Variants in BASP1 observed in about 807,000 individuals in gnomAD.
BASP1 encodes brain acid soluble protein 1.
In BASP1, 1 loss-of-function variant was observed where a neutral mutation model predicts 2.2. The ratio of observed to expected loss-of-function variants is 0.46; its 90% CI spans 0.16 to 2.17. BASP1 has a LOEUF of 2.17. Ranked by LOEUF, BASP1 falls within the 30% of genes most tolerant of loss-of-function variation. The pLI, the probability that BASP1 is intolerant of heterozygous loss-of-function variation, is 0.27. For missense variants in BASP1, 352 were observed against 327.2 expected (o/e 1.08, Z -0.58); for synonymous variants, 187 against 154.2 (o/e 1.21, Z -1.58).
chr5:17,218,212 G>T (rs1011243536), intron 1 of BASP1, among the ~76,000 whole-genome samples: 2 of 149,566 alleles, frequency 1.3e-5, no homozygotes, highest in South Asian at 4.3e-4. Flanking sequence ...TTCCGTCATC[G>T]GAGCCCTTAC....
At chr5:17,269,400 AG>A (rs1292554287) in intron 1 of BASP1, among the ~76,000 whole-genome samples, 1 of 152,180 alleles carries the variant, frequency 6.6e-6, no homozygotes, top group African/African-American at 2.4e-5. Flanking sequence ...TGGCAGGTGT[AG>A]GCAAAAAAGG....
intron 1 of BASP1, among the ~76,000 whole-genome samples, chr5:17,267,817 C>CTTTTTTTTTTTTTTTTTTTTTTTTTT (rs748938177): frequency 3.0e-5 from 1 of 33,432 alleles, no homozygotes; most frequent in Non-Finnish European, 4.9e-5. Flanking sequence ...GCTCCCAGCC[C>CTTTTTTTTTTTTTTTTTTTTTTTTTT]TTTTTTTTTT....
chr5:17,227,557 T>A (rs1279298369), intron 1 of BASP1, among the ~76,000 whole-genome samples: 1 of 152,072 alleles, frequency 6.6e-6, no homozygotes. Flanking sequence ...GCCGCCACTA[T>A]GCCCGGCTAA....
rs1168059951 is a variant in BASP1, at chr5:17,241,098, CTT to C, written c.-10+23303_-10+23304del. ...AAGCTTTACACAGATTGACATTTTC[CTT>C]TTTTTTTTTTTTTTCTTGAGGCCGA... is the stretch of plus-strand genomic sequence containing the variant. On this transcript the variant is annotated intron_variant, in intron 1 of 1. Transcript: ENST00000322611. Among the ~76,000 whole-genome samples the C allele has an allele frequency of 2.7e-3, 381 of 140,726 alleles. 8 individuals are homozygous for C. The East Asian group carries it at 0.055, about 20-fold the overall frequency. The allele number at this position is 140,726 out of a possible 152,430, so 92.3% of individuals were successfully genotyped here. A position where few individuals can be genotyped will look rare whatever the true frequency, so the allele number is the denominator to read the frequency against.
chr5:17,250,828 T>G (rs926675120), intron 1 of BASP1, among the ~76,000 whole-genome samples: 1 of 152,098 alleles, frequency 6.6e-6, no homozygotes, highest in Non-Finnish European at 1.5e-5. Flanking sequence ...ATGGTCTCGA[T>G]CTACTGACCT....
At chr5:17,253,617 C>G (rs1037039965) in intron 1 of BASP1, among the ~76,000 whole-genome samples, 4 of 152,072 alleles carry the variant, frequency 2.6e-5, no homozygotes, top group Non-Finnish European at 4.4e-5. Context: ...TCTGTGTAGT[C>G]TTGCTGGAAT....
chr5:17,263,328 T>A (rs1339874096), intron 1 of BASP1, among the ~76,000 whole-genome samples: 2 of 151,860 alleles, frequency 1.3e-5, no homozygotes, highest in Non-Finnish European at 2.9e-5. Flanking sequence ...AGAGACAGGG[T>A]CTCACTATTT....
intron 1 of BASP1, among the ~76,000 whole-genome samples, chr5:17,266,198 A>T (rs1317728377): frequency 2.6e-5 from 4 of 152,234 alleles, no homozygotes; most frequent in African/African-American, 9.6e-5. Flanking sequence ...GTGTCCTGCT[A>T]TAGAAGTTTA....
Position 17,275,340 on chromosome 5 carries a change from C to T in BASP1, c.124C>T (p.Pro42Ser). The change falls in exon 2 of 2, where the codon CCC (proline) becomes TCC (serine). Residue 42 changes from proline (P) to serine (S), a missense_variant. By Grantham distance (74) the Pro-to-Ser change is moderately conservative (BLOSUM62 -1). Transcript: ENST00000322611. This position sits in a 1 kb window ranked among gnomAD's most constrained non-coding sequence, Gnocchi z 5.3. ...EEEGTPKESE[P>S]QAAAEPAEAK... is the part of the protein sequence containing the mutation. ...GGAGGGGACCCCGAAGGAGAGTGAG[C>T]CCCAGGCGGCCGCAGAGCCCGCCGA... The T allele has an allele frequency of 6.2e-7, 1 of 1,607,418 alleles. No homozygotes were observed. The highest frequency in any genetic ancestry group is 1.7e-5 in the Admixed American group (1 of 58,642).
Position 17,276,012 on chromosome 5 carries a change from C to G in BASP1, c.*112C>G, listed in dbSNP as rs1740654421. Reference sequence around the variant, plus strand: ...CCTCTCTCTCTCTCCTCTCCTATCTCTCCTCTCTCTCTCTCCTATACTAAC... The same window carrying G: ...CCTCTCTCTCTCTCCTCTCCTATCTGTCCTCTCTCTCTCTCCTATACTAAC... On this transcript the variant is annotated 3_prime_UTR_variant, in exon 2 of 2. Transcript: ENST00000322611. 2.2e-6 allele frequency: 2 copies of G among 907,550 alleles called. No homozygotes were observed. The highest frequency in any genetic ancestry group is 2.4e-5 in the South Asian group (1 of 41,482). 56.2% of individuals were successfully genotyped at this position (907,550 alleles called of 1,614,324 possible). A position where few individuals can be genotyped will look rare whatever the true frequency, so the allele number is the denominator to read the frequency against.
At chr5:17,221,765 A>C (rs1487457793) in intron 1 of BASP1, among the ~76,000 whole-genome samples, 1 of 152,146 alleles carries the variant, frequency 6.6e-6, no homozygotes, top group African/African-American at 2.4e-5. Context: ...GACAACTATT[A>C]GGAAGGAACT....
intron 1 of BASP1, among the ~76,000 whole-genome samples, chr5:17,274,332 G>A (rs1740585101): frequency 1.3e-5 from 2 of 152,064 alleles, no homozygotes; most frequent in Admixed American, 1.3e-4. Context: ...GCCCCTGCTT[G>A]GTAAGAAGAT....
chr5:17,252,372 T>A (rs1008647621), intron 1 of BASP1, among the ~76,000 whole-genome samples: 5 of 152,344 alleles, frequency 3.3e-5, no homozygotes, highest in South Asian at 2.1e-4. Context: ...TATTTAATTT[T>A]TATAAATCCC....
intron 1 of BASP1, among the ~76,000 whole-genome samples, chr5:17,270,113 G>A (rs1166268022): frequency 6.6e-6 from 1 of 152,152 alleles, no homozygotes; most frequent in African/African-American, 2.4e-5. Context: ...CGATTCTCCT[G>A]CCTCAGCCTC....
rs190164781 is a variant in BASP1 at position 17,239,107 on chromosome 5, T to C, written c.-10+21297T>C. 1.9e-3 allele frequency among the ~76,000 whole-genome samples: 282 copies of C among 152,274 alleles called. 4 individuals carry two copies. Among genetic ancestry groups the C allele is most frequent in the Non-Finnish European group, 1.8e-3 (123 of 68,000 alleles). ...CTGTCTTCAGCTGTTTTTTTTTTCTTTTTTGAGATGGAGTCTCGCTCTGTC... is the reference window on the plus strand; with the variant it reads ...CTGTCTTCAGCTGTTTTTTTTTTCTCTTTTGAGATGGAGTCTCGCTCTGTC... On this transcript the variant is annotated intron_variant, in intron 1 of 1. Transcript: ENST00000322611.
In BASP1 at chr5:17,275,786, G is replaced by C. The variant is rs759514967; in HGVS notation, c.570G>C (p.Thr190=). Residue 190 remains threonine, a synonymous_variant, in exon 2 of 2, where the codon ACG becomes ACC. Transcript: ENST00000322611. This position sits in a 1 kb window ranked among gnomAD's most constrained non-coding sequence, Gnocchi z 5.3. ...APSSKETPAA[T]EAPSSTPKAQ... ...CTTCCAAGGAGACCCCCGCAGCCACGGAAGCGCCTAGTTCCACACCCAAGG... is the reference window on the plus strand; with the variant it reads ...CTTCCAAGGAGACCCCCGCAGCCACCGAAGCGCCTAGTTCCACACCCAAGG... The C allele has an allele frequency of 1.9e-6, 3 of 1,613,112 alleles. No homozygotes were observed.
chr5:17,275,939 A>C lies in BASP1; in HGVS notation c.*39A>C, dbSNP rs1171219895. 4 of 1,425,892 alleles carry C rather than the reference A, an allele frequency of 2.8e-6. No homozygotes were observed. Among genetic ancestry groups the C allele is most frequent in the South Asian group, 1.4e-5 (1 of 69,690 alleles). The allele number at this position is 1,425,892 out of a possible 1,614,324, so 88.3% of individuals were successfully genotyped here. The stretch of plus-strand genomic sequence containing the variant: ...TAGGAAAAACAATACCACTTAAAAC[A>C]ATCTCCTCTCTCTCTCTCTCTCTCT... On this transcript the variant is annotated 3_prime_UTR_variant, in exon 2 of 2. Transcript: ENST00000322611. This position sits in a 1 kb window ranked among gnomAD's most constrained non-coding sequence, Gnocchi z 5.3.
At chr5:17,263,920 T>G (rs1163074367) in intron 1 of BASP1, among the ~76,000 whole-genome samples, 1 of 152,226 alleles carries the variant, frequency 6.6e-6, no homozygotes, top group East Asian at 1.9e-4. Flanking sequence ...AGAGGACATC[T>G]GCATCCTCTA....
intron 1 of BASP1, among the ~76,000 whole-genome samples, chr5:17,272,737 A>G (rs1229451019): frequency 6.6e-6 from 1 of 152,106 alleles, no homozygotes; most frequent in African/African-American, 2.4e-5. Context: ...ATTGAGACAT[A>G]TTTTCTTACT....
Sources: allele counts gnomAD v4.1 joint callset (sites outside exome capture counted in the v4.1 genomes callset), GRCh38; gene constraint gnomAD v4.1.1; non-coding constraint Gnocchi (gnomAD v3.1); transcripts MANE v1.5; gene names NCBI Gene and HGNC (gene_info 2026-07-23, HGNC 2026-07-21).